Variants in KANSL1 observed in about 807,000 individuals in gnomAD.
The protein encoded by KANSL1 is KAT8 regulatory NSL complex subunit 1.
In KANSL1, 22 loss-of-function variants were observed where a neutral mutation model predicts 103.6. The observed-to-expected ratio is 0.21, with a 90% CI of 0.15 to 0.30. KANSL1 has a LOEUF of 0.30. Ranked by LOEUF, KANSL1 falls within the 10% of genes least tolerant of loss-of-function variation. The pLI is 1.00. For missense variants in KANSL1, 1,337 were observed against 1,399.8 expected (o/e 0.96, Z 0.72); for synonymous variants, 600 against 527.6 (o/e 1.14, Z -1.88).
At chr17:46,106,037 A>G (rs111676341) in intron 2 of KANSL1, among the ~76,000 whole-genome samples, 21,583 of 151,812 alleles carry the variant, frequency 0.14, 2,121 homozygotes, top group Non-Finnish European at 0.22. Flanking sequence ...CACATATTCC[A>G]CAGGGAGAAC....
At chr17:46,198,902 A>C (rs2047703729) in intron 1 of KANSL1, among the ~76,000 whole-genome samples, 1 of 152,268 alleles carries the variant, frequency 6.6e-6, no homozygotes. Context: ...TAATTCAACA[A>C]AAATCTAGTG....
chr17:46,169,798 A>G (rs2532274), intron 2 of KANSL1, among the ~76,000 whole-genome samples: 30,787 of 152,114 alleles, frequency 0.2, 3,448 homozygotes, highest in Middle Eastern at 0.26. Flanking sequence ...AGTGACAGGA[A>G]TGAAACGTCT....
chr17:46,196,012 T>G, upstream of KANSL1: 1 of 218,442 alleles, frequency 4.6e-6, no homozygotes, highest in South Asian at 5.0e-5. Context: ...GAGGGTGAGG[T>G]GGGAGGATCA....
chr17:46,135,364 A>T (rs780293348), intron 2 of KANSL1, among the ~76,000 whole-genome samples: 1 of 139,824 alleles, frequency 7.2e-6, no homozygotes, highest in Non-Finnish European at 1.7e-5. Flanking sequence ...ATATTTCACA[A>T]TAAAACATAA....
intron 10 of KANSL1, among the ~76,000 whole-genome samples, chr17:46,037,100 T>A (rs911144363): frequency 2.0e-5 from 3 of 152,176 alleles, no homozygotes; most frequent in African/African-American, 7.2e-5. Context: ...ATACACAAAA[T>A]TTTTACTCAA....
chr17:46,099,189 T>C (rs1254800075), intron 2 of KANSL1, among the ~76,000 whole-genome samples: 1 of 144,722 alleles, frequency 6.9e-6, no homozygotes, highest in East Asian at 1.9e-4. Context: ...CCGGGCGTGA[T>C]GGCGGGCGCC....
At chr17:46,177,434 T>A (rs1367901427) in intron 1 of KANSL1, among the ~76,000 whole-genome samples, 1 of 152,232 alleles carries the variant, frequency 6.6e-6, no homozygotes, top group Non-Finnish European at 1.5e-5. Flanking sequence ...TGATGTTGTT[T>A]ATAATAAAAA....
At chr17:46,090,883 A>T (rs1389200243) in intron 3 of KANSL1, among the ~76,000 whole-genome samples, 13 of 152,256 alleles carry the variant, frequency 8.5e-5, no homozygotes, top group South Asian at 2.1e-4. Context: ...GTACACTAAG[A>T]ATATAATAGC....
chr17:46,209,042 G>A (rs191022321), intron 1 of KANSL1, among the ~76,000 whole-genome samples: 17 of 151,752 alleles, frequency 1.1e-4, no homozygotes, highest in Admixed American at 1.1e-3. Flanking sequence ...AATTAGCCAG[G>A]CGTGATGGCG....
chr17:46,155,861 A>G (rs6503459), intron 2 of KANSL1, among the ~76,000 whole-genome samples: 3,930 of 152,250 alleles, frequency 0.026, 175 homozygotes, highest in African/African-American at 0.09. Flanking sequence ...TAAGCCCAGG[A>G]GTCTTCGGCT....
chr17:46,154,530 C>T (rs2147530221), intron 2 of KANSL1, among the ~76,000 whole-genome samples: 1 of 152,306 alleles, frequency 6.6e-6, no homozygotes, highest in Admixed American at 6.5e-5. Context: ...GATCCCCCTG[C>T]CTCAGCATCC....
rs536860849 is a variant in KANSL1 at position 46,177,259 on chromosome 17, G to A, written c.-89-5027C>T. ...CTGGAGCAACCACCCAGTATTATTT[G>A]CACTTTTATTACACTGGAAACAAAA... On this transcript the variant is annotated intron_variant, in intron 1 of 14. Transcript: ENST00000432791. Among the ~76,000 whole-genome samples, 5 of 152,304 alleles carry A rather than the reference G, an allele frequency of 3.3e-5. No homozygotes were observed. In the South Asian group the frequency reaches 8.3e-4, roughly 25 times the overall value.
upstream of KANSL1, among the ~76,000 whole-genome samples, chr17:46,197,676 T>C (rs2047658956): frequency 6.6e-6 from 1 of 152,258 alleles, no homozygotes; most frequent in South Asian, 2.1e-4. Context: ...GAGTTGGCAC[T>C]ACATTACCCT....
At chr17:46,155,914 T>TA (rs2045400544) in intron 2 of KANSL1, among the ~76,000 whole-genome samples, 1 of 152,202 alleles carries the variant, frequency 6.6e-6, no homozygotes, top group Non-Finnish European at 1.5e-5. Context: ...ACCTGGGTGA[T>TA]AGAGTGAAAC....
intron 3 of KANSL1, chr17:46,093,718 G>T (rs575227072): frequency 1.3e-5 from 2 of 152,432 alleles, no homozygotes; most frequent in South Asian, 4.1e-4. Flanking sequence ...AGGTCAAAAA[G>T]GCATTTTGAC....
intron 7 of KANSL1, chr17:46,042,997 C>T (rs1266076734): frequency 2.0e-5 from 3 of 152,132 alleles, no homozygotes; most frequent in Non-Finnish European, 4.4e-5. Context: ...TTTTCATAAT[C>T]ACTCTTTTCC....
chr17:46,174,978 T>C (rs1232873203), intron 1 of KANSL1, among the ~76,000 whole-genome samples: 1 of 152,222 alleles, frequency 6.6e-6, no homozygotes, highest in Non-Finnish European at 1.5e-5. Context: ...TAAATATTTT[T>C]TAAATTTCTC....
chr17:46,076,892 G>A (rs1369311312), intron 4 of KANSL1, among the ~76,000 whole-genome samples: 1 of 152,072 alleles, frequency 6.6e-6, no homozygotes, highest in Non-Finnish European at 1.5e-5. Flanking sequence ...CCCCGTACCT[G>A]GAGACCTTGG....
intron 1 of KANSL1, among the ~76,000 whole-genome samples, chr17:46,181,347 C>G (rs2147832072): frequency 6.6e-6 from 1 of 152,320 alleles, no homozygotes; most frequent in East Asian, 1.9e-4. Context: ...ATTATCACAA[C>G]AGCTTCCTGA....
Sources: gnomAD v4.1 joint callset for allele counts (sites outside exome capture counted in the v4.1 genomes callset) on GRCh38, gnomAD v4.1.1 for gene constraint, MANE v1.5 for transcripts, NCBI Gene and HGNC (gene_info 2026-07-23, HGNC 2026-07-21) for gene names.